The following DCC variants were observed in gnomAD, a reference collection of about 807,000 sequenced individuals.
The protein encoded by DCC is netrin receptor DCC.
A neutral mutation model predicts 172.5 loss-of-function variants in DCC; 58 were observed. That is an observed-to-expected ratio of 0.34 (90% confidence interval 0.27 to 0.42). DCC has a LOEUF of 0.42. DCC is among the 10% of genes least tolerant of loss of function. The pLI is 1.00. For synonymous variants in DCC, 709 were observed against 644.5 expected, an observed-to-expected ratio of 1.10 and a Z score of -1.52; for missense variants, 1,740 against 1,791.0, an observed-to-expected ratio of 0.97 and a Z score of 0.51.
At chr18:52,487,840 G>A (rs2030305212) in intron 1 of DCC, among the ~76,000 whole-genome samples, 1 of 138,420 alleles carries the variant, frequency 7.2e-6, no homozygotes, top group Non-Finnish European at 1.5e-5. Flanking sequence ...AAAAAAATTG[G>A]AGGAAGCACA....
chr18:53,382,690 T>C (rs1480450836), intron 15 of DCC, among the ~76,000 whole-genome samples: 1 of 152,148 alleles, frequency 6.6e-6, no homozygotes, highest in Admixed American at 6.5e-5. Flanking sequence ...GTTGATTGAT[T>C]ACTTTCTTAT....
chr18:53,047,462 T>TAC lies in DCC; in HGVS notation c.986-15842_986-15841dup, dbSNP rs1555700702. On this transcript the variant is annotated intron_variant, in intron 5 of 28. Transcript: ENST00000442544. ...ATATATATATATATATATATATATATACCATTTTTGCTATTGAGGAATCTT... is the reference window on the plus strand; with the variant it reads ...ATATATATATATATATATATATATATACACCATTTTTGCTATTGAGGAATCTT... Among the ~76,000 whole-genome samples the TAC allele has an allele frequency of 9.0e-5, 8 of 88,674 alleles. No homozygotes were observed. In the East Asian group the frequency reaches 1.8e-3, roughly 21 times the overall value. 58.2% of individuals were successfully genotyped at this position (88,674 alleles called of 152,430 possible). A position where few individuals can be genotyped will look rare whatever the true frequency, so the allele number is the denominator to read the frequency against.
chr18:52,743,129 T>A (rs17383821), intron 1 of DCC, among the ~76,000 whole-genome samples: 3 of 152,038 alleles, frequency 2.0e-5, no homozygotes, highest in Admixed American at 1.3e-4. Context: ...TCTCCAAAGC[T>A]TGTCTACTTG....
intron 22 of DCC, among the ~76,000 whole-genome samples, chr18:53,447,734 C>T (rs1484311367): frequency 6.6e-6 from 1 of 152,034 alleles, no homozygotes; most frequent in Admixed American, 6.6e-5. Flanking sequence ...TTAATTTATT[C>T]CAATCTATTA....
chr18:53,315,358 A>G (rs1053418435), intron 13 of DCC, among the ~76,000 whole-genome samples: 1 of 152,216 alleles, frequency 6.6e-6, no homozygotes, highest in Non-Finnish European at 1.5e-5. Context: ...TATGCAGTCT[A>G]TCATTGATGG....
intron 1 of DCC, among the ~76,000 whole-genome samples, chr18:52,462,817 T>TGCTG (rs1388048670): frequency 6.6e-6 from 1 of 152,118 alleles, no homozygotes; most frequent in African/African-American, 2.4e-5. Flanking sequence ...CTGGCACAGG[T>TGCTG]GCTGGCACAG....
chr18:53,318,755 T>G (rs1398055830), intron 13 of DCC, among the ~76,000 whole-genome samples: 13 of 42,088 alleles, frequency 3.1e-4, no homozygotes, highest in African/African-American at 8.8e-4. Flanking sequence ...TCGTTGGGTT[T>G]TTTTTTTTTT....
chr18:53,046,481 A>G (rs2042239497), intron 5 of DCC, among the ~76,000 whole-genome samples: 2 of 151,278 alleles, frequency 1.3e-5, no homozygotes, highest in Non-Finnish European at 1.5e-5. Flanking sequence ...TAAAACTGGA[A>G]AAAAAAAAGC....
At chr18:52,421,972 G>C (rs1987265090) in intron 1 of DCC, among the ~76,000 whole-genome samples, 1 of 152,134 alleles carries the variant, frequency 6.6e-6, no homozygotes, top group East Asian at 1.9e-4. Flanking sequence ...ATGCGTTTCA[G>C]ACCTTTCTGA....
chr18:52,590,270 C>A (rs1468436320), intron 1 of DCC, among the ~76,000 whole-genome samples: 1 of 151,872 alleles, frequency 6.6e-6, no homozygotes, highest in African/African-American at 2.4e-5. Flanking sequence ...AGAATGAGAT[C>A]TAAGGACATC....
chr18:53,176,462 G>T (rs986605901), intron 8 of DCC, among the ~76,000 whole-genome samples: 1 of 148,826 alleles, frequency 6.7e-6, no homozygotes, highest in Non-Finnish European at 1.5e-5. Context: ...TATCTACAAT[G>T]AACTCAAACA....
At chr18:53,121,570 A>ATTAT (rs545269980) in intron 7 of DCC, among the ~76,000 whole-genome samples, 84 of 151,990 alleles carry the variant, frequency 5.5e-4, no homozygotes, top group African/African-American at 1.9e-3. Context: ...GTTCCCCAGG[A>ATTAT]TTATTTAACT....
intron 1 of DCC, among the ~76,000 whole-genome samples, chr18:52,469,401 T>C (rs1266214290): frequency 6.6e-6 from 1 of 152,174 alleles, no homozygotes; most frequent in Admixed American, 6.5e-5. Flanking sequence ...TATCTCCTAA[T>C]GGTGTTGCTA....
At chr18:52,493,842 C>T (rs1226919125) in intron 1 of DCC, among the ~76,000 whole-genome samples, 3 of 151,744 alleles carry the variant, frequency 2.0e-5, no homozygotes, top group African/African-American at 7.3e-5. Flanking sequence ...CCTTTTTTGT[C>T]CTCTGATATG....
intron 7 of DCC, among the ~76,000 whole-genome samples, chr18:53,119,831 G>A (rs750560232): frequency 2.0e-5 from 3 of 151,776 alleles, no homozygotes; most frequent in Non-Finnish European, 4.4e-5. Flanking sequence ...TTTACACATT[G>A]TGGATCATTT....
At chr18:53,333,945 A>G (rs1268721940) in intron 14 of DCC, among the ~76,000 whole-genome samples, 1 of 152,194 alleles carries the variant, frequency 6.6e-6, no homozygotes, top group East Asian at 1.9e-4. Context: ...CACATTGAAC[A>G]TGACCCAAGG....
chr18:52,569,513 G>A (rs1031291149), intron 1 of DCC, among the ~76,000 whole-genome samples: 1 of 152,134 alleles, frequency 6.6e-6, no homozygotes, highest in Non-Finnish European at 1.5e-5. Context: ...AATAAAAAGT[G>A]GTGGAAAATT....
intron 22 of DCC, among the ~76,000 whole-genome samples, chr18:53,444,724 A>G (rs939049280): frequency 6.6e-6 from 1 of 152,226 alleles, no homozygotes; most frequent in Non-Finnish European, 1.5e-5. Flanking sequence ...TTAATAGACT[A>G]CAGTATAGTG....
In DCC at chr18:53,033,754, T is replaced by G. The variant is rs367936144; in HGVS notation, c.986-29551T>G. On this transcript the variant is annotated intron_variant, in intron 5 of 28. Coordinates refer to ENST00000442544, the MANE Select transcript of DCC (RefSeq NM_005215.4). ...TTTTTGAACTCCCTTTCCTTTTAGA[T>G]ATCACCTTATTCTTTTAGTTGCTTT... 1.1e-4 allele frequency among the ~76,000 whole-genome samples: 17 copies of G among 152,234 alleles called. No homozygotes were observed. In the East Asian group the frequency reaches 2.9e-3, roughly 26 times the overall value.
Sources: gnomAD v4.1 joint callset for allele counts (sites outside exome capture counted in the v4.1 genomes callset) on GRCh38, gnomAD v4.1.1 for gene constraint, MANE v1.5 for transcripts, NCBI Gene and HGNC (gene_info 2026-07-23, HGNC 2026-07-21) for gene names.